Variants in PLEKHM2 observed in about 807,000 individuals in gnomAD.
The protein encoded by PLEKHM2 is pleckstrin homology and RUN domain containing M2, also known as pleckstrin homology domain-containing family M member 2.
Under a neutral mutation model 116.3 loss-of-function variants are expected in PLEKHM2, and 77 were observed. The ratio of observed to expected loss-of-function variants is 0.66; its 90% CI spans 0.55 to 0.80. The LOEUF (loss-of-function observed/expected upper bound fraction) is 0.80. PLEKHM2 is among the 30% of genes least tolerant of loss of function. PLEKHM2 has a pLI of 0.00. For missense variants in PLEKHM2, 1,183 were observed against 1,354.9 expected, an observed-to-expected ratio of 0.87 and a Z score of 1.99; for synonymous variants, 562 against 571.0, an observed-to-expected ratio of 0.98 and a Z score of 0.22.
At position 15,719,594 on chromosome 1, in the gene PLEKHM2, C is replaced by T. The variant is rs1046895852; in HGVS notation, c.466-140C>T. The T allele has an allele frequency of 8.5e-6, 5 of 589,586 alleles. No homozygotes were observed. Among genetic ancestry groups the T allele is most frequent in the African/African-American group, 5.6e-5 (3 of 53,744 alleles). 36.5% of individuals were successfully genotyped at this position (589,586 alleles called of 1,614,324 possible). A position where few individuals can be genotyped will look rare whatever the true frequency, so the allele number is the denominator to read the frequency against. On this transcript the variant is annotated intron_variant, in intron 5 of 19. Transcript: ENST00000375799. This position sits in a 1 kb window ranked among gnomAD's most constrained non-coding sequence, Gnocchi z 4.1. ...CTATTCACATTGCTCTTCTTAGCAG[C>T]TTTTCTTTGAATTTACTACCTTAAG...
At chr1:15,722,828 T>TG (rs920463684) in intron 7 of PLEKHM2, 14 of 152,038 alleles carry the variant, frequency 9.2e-5, no homozygotes, top group African/African-American at 3.1e-4. Flanking sequence ...TGCTGGATAT[T>TG]GTTTTTTTTT....
chr1:15,699,299 C>G (rs1571028281), intron 1 of PLEKHM2, among the ~76,000 whole-genome samples: 1 of 152,084 alleles, frequency 6.6e-6, no homozygotes, highest in East Asian at 1.9e-4. Flanking sequence ...CCCATTAACT[C>G]GTCATTTACA....
At chr1:15,683,044 C>G (rs1226118833), upstream of PLEKHM2, 1 of 151,262 alleles carries the variant, frequency 6.6e-6, no homozygotes, top group Non-Finnish European at 1.5e-5. Flanking sequence ...CCTTGGGATA[C>G]GTGGGGCTGA....
At position 15,728,268 on chromosome 1, in the gene PLEKHM2, T is replaced by A; in HGVS notation, c.1832T>A (p.Met611Lys). The A allele has an allele frequency of 6.2e-7, 1 of 1,613,264 alleles. No homozygotes were observed. The highest frequency in any genetic ancestry group is 8.5e-7 in the Non-Finnish European group (1 of 1,179,770). The change falls in exon 11 of 20, where the codon ATG becomes AAG. Residue 611 changes from methionine (M) to lysine (K), a missense_variant and splice_region_variant. This residue lies in a region of PLEKHM2 where 594 missense variants were observed against 720.1 expected (regional missense o/e 0.82). Transcript: ENST00000375799. This position sits in a 1 kb window ranked among gnomAD's most constrained non-coding sequence, Gnocchi z 5.9. ...ACCCTTGTCTGCTTCGGCCCCCAGA[T>A]GATCCGGATGAGCACCGGGCACATG... ...FRENEEQLFK[M>K]IRMSTGHMEG... is the part of the protein sequence containing the mutation.
At chr1:15,682,102 G>A (rs570572208), upstream of PLEKHM2, among the ~76,000 whole-genome samples, 639 of 151,366 alleles carry the variant, frequency 4.2e-3, 2 homozygotes, top group Non-Finnish European at 6.6e-3. Flanking sequence ...GGAGGCTGAC[G>A]TGGGAGGATC....
At chr1:15,725,047 C>T (rs541607738) in intron 7 of PLEKHM2, among the ~76,000 whole-genome samples, 3 of 152,174 alleles carry the variant, frequency 2.0e-5, no homozygotes, top group South Asian at 2.1e-4. Flanking sequence ...TGCTTCACCG[C>T]GGGGGCCCTT....
Position 15,725,322 on chromosome 1 carries a change from G to T in PLEKHM2, c.718G>T (p.Asp240Tyr), listed in dbSNP as rs771661961. 1 of 1,550,526 alleles carries T rather than the reference G, an allele frequency of 6.4e-7. No homozygotes were observed. Among genetic ancestry groups the T allele is most frequent in the South Asian group, 1.2e-5 (1 of 84,040 alleles). ...SVPSTDWEDGDLTDTVSGPRS... is the reference protein window; with the variant it reads ...SVPSTDWEDGYLTDTVSGPRS... ...CTGCTTCCTTGTCCTCCCAGATGGA[G>T]ACCTCACAGACACGGTCAGTGGTCC... is the stretch of plus-strand genomic sequence containing the variant. The change falls in exon 8 of 20, where the codon GAC becomes TAC. Residue 240 changes from aspartate (D) to tyrosine (Y), a missense_variant. Transcript: ENST00000375799.
In PLEKHM2 at chr1:15,728,182, CGGCAAG is replaced by C; in HGVS notation, c.1830+42_1830+47del. 3 of 1,605,364 alleles carry C rather than the reference CGGCAAG, an allele frequency of 1.9e-6. No homozygotes were observed. Among genetic ancestry groups the C allele is most frequent in the Non-Finnish European group, 2.6e-6 (3 of 1,173,402 alleles). ...TAGGAACTCAGGAGTGAGCAAGAGA[CGGCAAG>C]GGCAAGGCGGGATGGGCCACCGCCC... is the stretch of plus-strand genomic sequence containing the variant. On this transcript the variant is annotated intron_variant, in intron 10 of 19. Coordinates refer to ENST00000375799, the MANE Select transcript of PLEKHM2 (RefSeq NM_015164.4). The surrounding 1 kb of genome is among the most constrained non-coding windows in gnomAD (Gnocchi z 5.9).
In PLEKHM2 at chr1:15,725,219, T is replaced by C. The variant is rs1316380182; in HGVS notation, c.713-98T>C. Reference sequence around the variant, plus strand: ...CCTGTCAGGTTTCCCTGGGAGGAACTGGCCAGCCTGCCTCCCTCCTGGGCT... The same window carrying C: ...CCTGTCAGGTTTCCCTGGGAGGAACCGGCCAGCCTGCCTCCCTCCTGGGCT... On this transcript the variant is annotated intron_variant, in intron 7 of 19. Coordinates refer to ENST00000375799, the MANE Select transcript of PLEKHM2 (RefSeq NM_015164.4). 5 of 819,576 alleles carry C rather than the reference T, an allele frequency of 6.1e-6. No homozygotes were observed. The African/African-American group carries it at 6.8e-5, about 11-fold the overall frequency. 50.8% of individuals were successfully genotyped at this position (819,576 alleles called of 1,614,324 possible).
At position 15,715,075 on chromosome 1, in the gene PLEKHM2, CCTT is replaced by C. The variant is rs1641417411; in HGVS notation, c.61-1158_61-1156del. On this transcript the variant is annotated intron_variant, in intron 1 of 19. Coordinates refer to ENST00000375799, the MANE Select transcript of PLEKHM2 (RefSeq NM_015164.4). ...CAGCCCAGTCCAGGAACAGTGGTGT[CCTT>C]CTTGGTGTAGGGCTTAACGTGAGCC... is the stretch of plus-strand genomic sequence containing the variant. Among the ~76,000 whole-genome samples the C allele has an allele frequency of 2.6e-5, 4 of 152,292 alleles. No homozygotes were observed. The South Asian group carries it at 8.3e-4, about 32-fold the overall frequency.
intron 1 of PLEKHM2, among the ~76,000 whole-genome samples, chr1:15,708,794 T>TA (rs1163617303): frequency 6.6e-6 from 1 of 152,192 alleles, no homozygotes. Context: ...GACCTGGGTT[T>TA]AAAATCTGTC....
upstream of PLEKHM2, chr1:15,682,985 T>G (rs1295209187): frequency 6.6e-6 from 1 of 152,054 alleles, no homozygotes; most frequent in Non-Finnish European, 1.5e-5. Context: ...GGAGGGTGTG[T>G]GGGAAGAGAG....
chr1:15,705,142 T>C (rs946443716), intron 1 of PLEKHM2, among the ~76,000 whole-genome samples: 3 of 149,558 alleles, frequency 2.0e-5, no homozygotes, highest in Non-Finnish European at 3.0e-5. Context: ...TTTCCACAGC[T>C]GTGTCCTTGA....
At chr1:15,701,816 G>A (rs1370120677) in intron 1 of PLEKHM2, among the ~76,000 whole-genome samples, 1 of 151,880 alleles carries the variant, frequency 6.6e-6, no homozygotes, top group East Asian at 1.9e-4. Context: ...AAAGACCCCA[G>A]CCTGCCTGCC....
intron 1 of PLEKHM2, among the ~76,000 whole-genome samples, chr1:15,714,773 G>C (rs993870827): frequency 6.6e-6 from 1 of 152,214 alleles, no homozygotes; most frequent in Non-Finnish European, 1.5e-5. Flanking sequence ...TCAGGATCAG[G>C]CATCTGTGCT....
chr1:15,726,572 C>T (rs886686298), intron 8 of PLEKHM2, among the ~76,000 whole-genome samples: 1 of 152,216 alleles, frequency 6.6e-6, no homozygotes, highest in Non-Finnish European at 1.5e-5. Flanking sequence ...CCAGAAAGCG[C>T]TGAGTGCTTT....
chr1:15,714,570 A>C (rs61782445), intron 1 of PLEKHM2, among the ~76,000 whole-genome samples: 1 of 152,146 alleles, frequency 6.6e-6, no homozygotes, highest in South Asian at 2.1e-4. Flanking sequence ...GTCCTGGCTG[A>C]CAGGCCTGCC....
chr1:15,733,697 G>T, intron 19 of PLEKHM2, 100 bp from the exon 20 acceptor site: 2 of 1,298,744 alleles, frequency 1.5e-6, no homozygotes, highest in Non-Finnish European at 2.1e-6. Flanking sequence ...CCTGACAGGG[G>T]CTCCGTGGCC....
upstream of PLEKHM2, chr1:15,681,623 AG>A (rs1386349338): frequency 2.2e-6 from 1 of 464,394 alleles, no homozygotes; most frequent in Non-Finnish European, 4.3e-6. Flanking sequence ...TGCATCCAGC[AG>A]GTTGGGGCCT....
Sources: allele counts gnomAD v4.1 joint callset (sites outside exome capture counted in the v4.1 genomes callset), GRCh38; gene constraint gnomAD v4.1.1; regional missense constraint gnomAD v4.1.1; non-coding constraint Gnocchi (gnomAD v3.1); transcripts MANE v1.5; gene names NCBI Gene and HGNC (gene_info 2026-07-23, HGNC 2026-07-21).